Variants in TRERF1 observed in about 807,000 individuals in gnomAD.
TRERF1 encodes transcriptional-regulating factor 1.
TRERF1 carries 27 observed loss-of-function variants against 122.9 expected under a neutral mutation model. That is an observed-to-expected ratio of 0.22 (90% CI 0.16 to 0.30). The LOEUF is 0.30. TRERF1 is among the 10% of genes least tolerant of loss of function. The pLI, the probability that TRERF1 is intolerant of heterozygous loss-of-function variation, is 1.00. For missense variants in TRERF1, 1,248 were observed against 1,560.3 expected (o/e 0.80, Z 3.37); for synonymous variants, 636 against 641.7 (o/e 0.99, Z 0.13).
intron 2 of TRERF1, among the ~76,000 whole-genome samples, chr6:42,378,388 GAA>G (rs200117763): frequency 2.3e-5 from 3 of 132,580 alleles, no homozygotes; most frequent in African/African-American, 7.9e-5. Context: ...GAAGAAAAAA[GAA>G]AAAAAAAAAA....
intron 2 of TRERF1, among the ~76,000 whole-genome samples, chr6:42,413,601 T>G (rs561931351): frequency 6.6e-6 from 1 of 152,198 alleles, no homozygotes; most frequent in African/African-American, 2.4e-5. Flanking sequence ...AGCTAATTTT[T>G]GTATTTTTAG....
intron 2 of TRERF1, among the ~76,000 whole-genome samples, chr6:42,364,285 G>A (rs1018017101): frequency 6.6e-6 from 1 of 152,162 alleles, no homozygotes; most frequent in African/African-American, 2.4e-5. Flanking sequence ...ACAGGTTTCT[G>A]CTCTCACGTC....
chr6:42,230,852 G>T (rs1232060956), intron 17 of TRERF1, among the ~76,000 whole-genome samples: 1 of 152,176 alleles, frequency 6.6e-6, no homozygotes, highest in Non-Finnish European at 1.5e-5. Flanking sequence ...ACGCAGCATG[G>T]CATAGAGCCA....
chr6:42,257,355 T>C (rs905707010), intron 10 of TRERF1, among the ~76,000 whole-genome samples: 2 of 152,166 alleles, frequency 1.3e-5, no homozygotes, highest in Admixed American at 1.3e-4. Context: ...TCCCTGTAAC[T>C]GGGAGAGGGA....
At chr6:42,372,213 A>G (rs1162697602) in intron 2 of TRERF1, among the ~76,000 whole-genome samples, 1 of 152,060 alleles carries the variant, frequency 6.6e-6, no homozygotes, top group Non-Finnish European at 1.5e-5. Context: ...AAACCCCTCA[A>G]CTAGACTGTA....
intron 3 of TRERF1, among the ~76,000 whole-genome samples, chr6:42,343,575 C>A (rs1767701515): frequency 6.6e-6 from 1 of 152,156 alleles, no homozygotes; most frequent in Admixed American, 6.5e-5. Context: ...GTCCTCCCAA[C>A]CCCCTTCAGG....
intron 13 of TRERF1, among the ~76,000 whole-genome samples, chr6:42,249,374 T>C (rs533660367): frequency 2.6e-5 from 4 of 152,202 alleles, no homozygotes; most frequent in Non-Finnish European, 5.9e-5. Flanking sequence ...CATTACCTGA[T>C]TTCTGGCCCC....
intron 15 of TRERF1, among the ~76,000 whole-genome samples, chr6:42,237,814 T>C (rs1174077474): frequency 2.6e-5 from 4 of 152,262 alleles, no homozygotes; most frequent in Non-Finnish European, 5.9e-5. Flanking sequence ...AATGCCAGTA[T>C]GTATGTGGCA....
intron 2 of TRERF1, among the ~76,000 whole-genome samples, chr6:42,380,047 C>T (rs890561839): frequency 3.3e-5 from 5 of 152,130 alleles, no homozygotes; most frequent in Admixed American, 1.3e-4. Context: ...TTATCTACGA[C>T]GGTTGGGGCA....
At chr6:42,396,178 T>C (rs9471853) in intron 2 of TRERF1, among the ~76,000 whole-genome samples, 30,060 of 152,098 alleles carry the variant, frequency 0.2, 3,900 homozygotes, top group Non-Finnish European at 0.3. Flanking sequence ...AAAAAGGAGA[T>C]GTAGAGGAAA....
At chr6:42,292,866 A>G (rs892115100) in intron 4 of TRERF1, among the ~76,000 whole-genome samples, 7 of 152,346 alleles carry the variant, frequency 4.6e-5, no homozygotes, top group African/African-American at 1.7e-4. Flanking sequence ...CAGTTCCTCT[A>G]TGATACCAGA....
chr6:42,270,772 T>C (rs886869745), intron 4 of TRERF1, among the ~76,000 whole-genome samples: 163 of 140,498 alleles, frequency 1.2e-3, no homozygotes, highest in African/African-American at 4.5e-3. Context: ...TCATCTCTTT[T>C]TTTTTTTTTT....
chr6:42,242,786 C>T (rs1381543456), intron 15 of TRERF1, among the ~76,000 whole-genome samples: 2 of 152,182 alleles, frequency 1.3e-5, no homozygotes, highest in Non-Finnish European at 2.9e-5. Context: ...CCTGGCACTA[C>T]CTAGAGGTCA....
rs200427501 is a variant in TRERF1 at position 42,245,621 on chromosome 6, TAA to T, written c.2745+833_2745+834del. On this transcript the variant is annotated intron_variant, in intron 14 of 17. Coordinates refer to ENST00000372922, the Ensembl canonical transcript of TRERF1. ...AAAGTCAATAAGTTTATCTGTTGTATAAAGTGCTATTTCATCTATGTGAAAGT... is the reference window on the plus strand; with the variant it reads ...AAAGTCAATAAGTTTATCTGTTGTATAGTGCTATTTCATCTATGTGAAAGT... Among the ~76,000 whole-genome samples the T allele has an allele frequency of 3.9e-3, 601 of 152,382 alleles. 3 individuals carry two copies. Among genetic ancestry groups the T allele is most frequent in the African/African-American group, 0.013 (559 of 41,598 alleles).
At chr6:42,335,721 CA>C (rs1333066379) in intron 3 of TRERF1, among the ~76,000 whole-genome samples, 1 of 152,202 alleles carries the variant, frequency 6.6e-6, no homozygotes, top group African/African-American at 2.4e-5. Flanking sequence ...ACCTGGTCAG[CA>C]CCTGGTCCAA....
chr6:42,407,283 T>C (rs1780311589), intron 2 of TRERF1, among the ~76,000 whole-genome samples: 1 of 152,184 alleles, frequency 6.6e-6, no homozygotes. Flanking sequence ...GGCACATATT[T>C]ATTTGCTGGG....
chr6:42,311,271 G>A (rs911681449), intron 3 of TRERF1, among the ~76,000 whole-genome samples: 3 of 152,154 alleles, frequency 2.0e-5, no homozygotes, highest in Non-Finnish European at 2.9e-5. Context: ...AACATGGGTG[G>A]CGCCTATTCA....
At chr6:42,319,335 C>T (rs547090730) in intron 3 of TRERF1, among the ~76,000 whole-genome samples, 5 of 152,190 alleles carry the variant, frequency 3.3e-5, no homozygotes, top group African/African-American at 1.2e-4. Context: ...CAGAGTATAG[C>T]AGAGTGACAG....
At chr6:42,277,920 A>AGAAGAG (rs1781521048) in intron 4 of TRERF1, among the ~76,000 whole-genome samples, 1 of 132,434 alleles carries the variant, frequency 7.6e-6, no homozygotes. Flanking sequence ...AAGAAGAAGA[A>AGAAGAG]GAAGAAGAAG....
Sources: allele counts gnomAD v4.1 joint callset (sites outside exome capture counted in the v4.1 genomes callset), GRCh38; gene constraint gnomAD v4.1.1; transcripts MANE v1.5; gene names NCBI Gene and HGNC (gene_info 2026-07-23, HGNC 2026-07-21).